Variants in UBE2C observed in about 807,000 individuals in gnomAD.
The protein encoded by UBE2C is ubiquitin conjugating enzyme E2 C, also known as ubiquitin-conjugating enzyme E2 C.
In UBE2C, 16 loss-of-function variants were observed where a neutral mutation model predicts 23.5. The observed-to-expected ratio is 0.68, with a 90% CI of 0.46 to 1.03. The LOEUF (loss-of-function observed/expected upper bound fraction) is 1.03, where lower values mean the gene tolerates loss of function less well. Ranked by LOEUF, UBE2C falls within the 50% of genes least tolerant of loss-of-function variation. The pLI is 0.00. For synonymous variants in UBE2C, 76 were observed against 91.6 expected, an observed-to-expected ratio of 0.83 and a Z score of 0.97; for missense variants, 192 against 227.6, an observed-to-expected ratio of 0.84 and a Z score of 1.01.
In UBE2C at chr20:45,813,231, TC is replaced by T. The variant is rs1982096060; in HGVS notation, c.102-203del. The T allele has an allele frequency of 4.1e-6, 6 of 1,476,650 alleles. No homozygotes were observed. The South Asian group carries it at 8.6e-5, about 21-fold the overall frequency. 91.5% of individuals were successfully genotyped at this position (1,476,650 alleles called of 1,614,324 possible). A position where few individuals can be genotyped will look rare whatever the true frequency, so the allele number is the denominator to read the frequency against. ...GGGAATTAAGAACATGCCAGAATCATCCCGAGGGAGTCTGGAATTAGGGAGG... is the reference window on the plus strand; with the variant it reads ...GGGAATTAAGAACATGCCAGAATCATCCGAGGGAGTCTGGAATTAGGGAGG... On this transcript the variant is annotated intron_variant, in intron 1 of 5. Transcript: ENST00000356455.
In UBE2C at chr20:45,816,725, G is replaced by T. The variant is rs763735948; in HGVS notation, c.498G>T (p.Leu166=). ...CTCTTCCAGCTTTTAAGAAGTACCT[G>T]CAAGAAACCTACTCAAAGCAGGTCA... ...WKNPTAFKKY[L]QETYSKQVTS... Residue 166 remains leucine, a synonymous_variant, in exon 6 of 6, where the codon CTG becomes CTT. Coordinates refer to ENST00000356455, the MANE Select transcript of UBE2C (RefSeq NM_007019.4). The T allele has an allele frequency of 6.2e-7, 1 of 1,613,728 alleles. No homozygotes were observed. The highest frequency in any genetic ancestry group is 8.5e-7 in the Non-Finnish European group (1 of 1,179,740).
intron 5 of UBE2C, 66 bp downstream of exon 5, chr20:45,815,979 A>C: frequency 1.1e-5 from 17 of 1,554,810 alleles, no homozygotes; most frequent in African/African-American, 1.4e-5. Flanking sequence ...CCTCAAACAA[A>C]AGGAGCCCAG....
At chr20:45,815,389 G>A (rs757509893) in intron 3 of UBE2C, 152 bp from the exon 4 acceptor site, 1 of 1,587,294 alleles carries the variant, frequency 6.3e-7, no homozygotes, top group Admixed American at 1.9e-5. Flanking sequence ...TTTTTAAAAA[G>A]GCAGTGGGGA....
At position 45,814,128 on chromosome 20, in the gene UBE2C, A is replaced by ATCTCTCTCTC. The variant is rs10644383; in HGVS notation, c.130-246_130-237dup. Among the ~76,000 whole-genome samples, 1,039 of 140,992 alleles carry ATCTCTCTCTC rather than the reference A, an allele frequency of 7.4e-3. 13 individuals are homozygous for ATCTCTCTCTC. The highest frequency in any genetic ancestry group is 0.024 in the African/African-American group (851 of 35,534). The allele number at this position is 140,992 out of a possible 152,430, so 92.5% of individuals were successfully genotyped here. On this transcript the variant is annotated intron_variant, in intron 2 of 5. Coordinates refer to ENST00000356455, the MANE Select transcript of UBE2C (RefSeq NM_007019.4). The stretch of plus-strand genomic sequence containing the variant: ...TGTCTCTGTCTATCTCTCTCTCTCA[A>ATCTCTCTCTC]TCTCTCTCTCTCTCTCTCTATATAT...
In UBE2C at chr20:45,815,753, T is replaced by C. The variant is rs749158541; in HGVS notation, c.421+8T>C. 47 of 1,612,340 alleles carry C rather than the reference T, an allele frequency of 2.9e-5. No individual in the cohort carries two copies. Among genetic ancestry groups the C allele is most frequent in the Non-Finnish European group, 3.9e-5 (46 of 1,178,626 alleles). ...TCCAGAGCCTTCTAGGAGGTGACTT[T>C]AGAGACCACCCCTCCCCTCCATGCA... is the stretch of plus-strand genomic sequence containing the variant. On this transcript the variant is annotated splice_region_variant and intron_variant, in intron 4 of 5. Transcript: ENST00000356455.
At chr20:45,815,245 A>G in intron 3 of UBE2C, 1 of 732,558 alleles carries the variant, frequency 1.4e-6, no homozygotes, top group Non-Finnish European at 2.2e-6. Context: ...CAGGCTAGGC[A>G]TAGTGGCTCA....
At chr20:45,815,278 G>T in intron 3 of UBE2C, 2 of 1,121,126 alleles carry the variant, frequency 1.8e-6, no homozygotes, top group Non-Finnish European at 2.5e-6. Context: ...CAGCACTTTG[G>T]GAGGCTGAGG....
At position 45,815,546 on chromosome 20, in the gene UBE2C, T is replaced by A. The variant is rs746495033; in HGVS notation, c.222T>A (p.Tyr74Ter). ...GTIHGAAGTV[Y>*]EDLRYKLSLE... ...ACTGTTTCTCCAAATGCCAGGTATA[T>A]GAAGACCTGAGGTATAAGCTCTCGC... Residue 74 changes from tyrosine (Y) to a stop codon, truncating the protein, a stop_gained, in exon 4 of 6, where the codon TAT (tyrosine) becomes TAA (stop). Transcript: ENST00000356455. LOFTEE classifies it high-confidence loss of function. 1 of 1,614,056 alleles carries A rather than the reference T, an allele frequency of 6.2e-7. No individual in the cohort carries two copies. Among genetic ancestry groups the A allele is most frequent in the Non-Finnish European group, 8.5e-7 (1 of 1,179,998 alleles).
intron 1 of UBE2C, 118 bp downstream of exon 1, chr20:45,812,914 G>T (rs978369708): frequency 1.4e-6 from 2 of 1,442,212 alleles, no homozygotes; most frequent in Non-Finnish European, 9.1e-7. Flanking sequence ...ATCTGCGGGT[G>T]CAGGAGAACA....
At chr20:45,814,959 C>CA (rs1326684898) in intron 3 of UBE2C, among the ~76,000 whole-genome samples, 2,535 of 35,504 alleles carry the variant, frequency 0.071, 74 homozygotes, top group African/African-American at 0.37. Context: ...CTGCCTCAGC[C>CA]TCCGAGTAGC....
chr20:45,814,939 C>T (rs932892556), intron 3 of UBE2C, among the ~76,000 whole-genome samples: 4 of 68,506 alleles, frequency 5.8e-5, no homozygotes, highest in East Asian at 3.8e-4. Flanking sequence ...CCCGGGTTCA[C>T]GCCATTCTCC....
chr20:45,813,386 G>A, intron 1 of UBE2C, 51 bp from the exon 2 acceptor site: 1 of 1,613,860 alleles, frequency 6.2e-7, no homozygotes, highest in Admixed American at 1.7e-5. Context: ...GCACCGTCTG[G>A]AGGCCTGGCC....
At chr20:45,813,493 C>A (rs781185227) in intron 2 of UBE2C, 29 bp downstream of exon 2, 1 of 1,614,112 alleles carries the variant, frequency 6.2e-7, no homozygotes, top group Non-Finnish European at 8.5e-7. Flanking sequence ...AGAACCCCAG[C>A]CTTCCATCCA....
chr20:45,814,361 C>CA (rs750837480), intron 2 of UBE2C, 23 bp from the exon 3 acceptor site: 11 of 1,581,004 alleles, frequency 7.0e-6, no homozygotes, highest in Non-Finnish European at 8.6e-6. Flanking sequence ...CTCCACATTC[C>CA]AACAAATGTG....
chr20:45,816,276 G>A (rs1361063831), intron 5 of UBE2C, among the ~76,000 whole-genome samples: 1 of 152,236 alleles, frequency 6.6e-6, no homozygotes, highest in East Asian at 1.9e-4. Context: ...GCCGGGCTGG[G>A]AAACCAGCCC....
chr20:45,816,128 G>C (rs1982528614), intron 5 of UBE2C, among the ~76,000 whole-genome samples: 1 of 152,176 alleles, frequency 6.6e-6, no homozygotes, highest in South Asian at 2.1e-4. Context: ...AAATAATTTT[G>C]GGAAATTATT....
chr20:45,816,735 T>TA lies in UBE2C; in HGVS notation c.509dup (p.Tyr170Ter). ...TTTTAAGAAGTACCTGCAAGAAACC[T>TA]ACTCAAAGCAGGTCACCAGCCAGGA... ...TAFKKYLQET[Y>*]SKQVTSQEP is the part of the protein sequence containing the mutation. The change falls in exon 6 of 6, where the codon TAC (tyrosine) becomes TAAC (stop). Residue 170 changes from tyrosine (Y) to a stop codon, truncating the protein, a stop_gained and frameshift_variant. Transcript: ENST00000356455. LOFTEE classifies it high-confidence loss of function. 6.2e-7 allele frequency: 1 copy of TA among 1,613,862 alleles called. No individual in the cohort carries two copies. Among genetic ancestry groups the TA allele is most frequent in the East Asian group, 2.2e-5 (1 of 44,882 alleles).
At chr20:45,814,790 A>G (rs372770300) in intron 3 of UBE2C, among the ~76,000 whole-genome samples, 34 of 152,328 alleles carry the variant, frequency 2.2e-4, no homozygotes, top group East Asian at 2.1e-3. Context: ...CAGAAGTCCA[A>G]ATCTGTGCCA....
intron 1 of UBE2C, 197 bp downstream of exon 1, chr20:45,812,993 A>G: frequency 7.0e-7 from 1 of 1,429,488 alleles, no homozygotes; most frequent in South Asian, 1.5e-5. Flanking sequence ...CGGGACTCCC[A>G]CCTCCTTGCG....
Sources: gnomAD v4.1 joint callset for allele counts (sites outside exome capture counted in the v4.1 genomes callset) on GRCh38, gnomAD v4.1.1 for gene constraint, MANE v1.5 for transcripts, NCBI Gene and HGNC (gene_info 2026-07-23, HGNC 2026-07-21) for gene names.